The following EML6 variants were observed in gnomAD, a reference collection of about 807,000 sequenced individuals.
The protein encoded by EML6 is echinoderm microtubule-associated protein-like 6.
A neutral mutation model predicts 240.1 loss-of-function variants in EML6; 154 were observed. The ratio of observed to expected loss-of-function variants is 0.64; its 90% CI spans 0.56 to 0.73. EML6 has a LOEUF of 0.73. EML6 is among the 30% of genes least tolerant of loss of function. The pLI, the probability that EML6 is intolerant of heterozygous loss-of-function variation, is 0.00. For missense variants in EML6, 2,964 were observed against 2,474.6 expected, an observed-to-expected ratio of 1.20 and a Z score of -4.20; for synonymous variants, 1,148 against 899.0, an observed-to-expected ratio of 1.28 and a Z score of -4.95.
intron 19 of EML6, among the ~76,000 whole-genome samples, chr2:54,894,628 G>A (rs1175141083): frequency 6.6e-6 from 1 of 152,168 alleles, no homozygotes; most frequent in African/African-American, 2.4e-5. Flanking sequence ...GGGAGACTGG[G>A]CACAAGCAGA....
intron 2 of EML6, among the ~76,000 whole-genome samples, chr2:54,736,190 A>G (rs1683384012): frequency 6.6e-6 from 1 of 152,224 alleles, no homozygotes; most frequent in Non-Finnish European, 1.5e-5. Context: ...TCCACAAGTT[A>G]TGGAGACCAG....
chr2:54,907,960 G>T (rs1329656247), intron 24 of EML6, among the ~76,000 whole-genome samples: 1 of 75,136 alleles, frequency 1.3e-5, no homozygotes, highest in Admixed American at 1.3e-4. Context: ...TAGATAGATA[G>T]ATAGATAGAT....
In EML6 at chr2:54,848,436, G is replaced by A. The variant is rs142379693; in HGVS notation, c.1187+813G>A. Among the ~76,000 whole-genome samples the A allele has an allele frequency of 7.3e-4, 111 of 151,820 alleles. No individual in the cohort carries two copies. In the East Asian group the frequency reaches 0.019, roughly 26 times the overall value. ...ACATAACTCATTACTGAACTAGTGG[G>A]CAACATTTTCTTTCTCTGCTTAGTG... On this transcript the variant is annotated intron_variant, in intron 9 of 41. Transcript: ENST00000356458.
chr2:54,851,710 C>G (rs773926553), intron 10 of EML6, among the ~76,000 whole-genome samples: 1 of 152,076 alleles, frequency 6.6e-6, no homozygotes, highest in African/African-American at 2.4e-5. Context: ...CTTCTTTATT[C>G]CTGATCTTTG....
intron 26 of EML6, 45 bp downstream of exon 26, chr2:54,916,980 T>G: frequency 7.2e-7 from 1 of 1,388,278 alleles, no homozygotes; most frequent in Non-Finnish European, 9.9e-7. Flanking sequence ...GTCTCCTTAA[T>G]AACCTTAAAT....
intron 5 of EML6, among the ~76,000 whole-genome samples, chr2:54,823,579 G>C (rs185338561): frequency 2.0e-4 from 31 of 152,092 alleles, no homozygotes; most frequent in African/African-American, 7.0e-4. Context: ...GTGAGTTTCT[G>C]ATCAGACTAA....
At chr2:54,863,373 A>T (rs1335968593) in intron 12 of EML6, among the ~76,000 whole-genome samples, 1 of 152,206 alleles carries the variant, frequency 6.6e-6, no homozygotes, top group Non-Finnish European at 1.5e-5. Context: ...TTTAAAAATT[A>T]ACTGGGCATG....
chr2:54,921,696 T>C (rs991921407), intron 26 of EML6, among the ~76,000 whole-genome samples: 1 of 152,108 alleles, frequency 6.6e-6, no homozygotes, highest in Non-Finnish European at 1.5e-5. Context: ...TACAAAGCTA[T>C]AGTAATCAAA....
intron 25 of EML6, among the ~76,000 whole-genome samples, chr2:54,915,823 C>A (rs1215636101): frequency 2.0e-5 from 3 of 152,036 alleles, no homozygotes; most frequent in Non-Finnish European, 4.4e-5. Context: ...AGCTACAGTT[C>A]TCTAATTTCT....
intron 2 of EML6, among the ~76,000 whole-genome samples, chr2:54,809,240 A>T (rs1430953668): frequency 6.6e-6 from 1 of 152,224 alleles, no homozygotes; most frequent in African/African-American, 2.4e-5. Context: ...ATGGACTCTC[A>T]ATAGGCAGAT....
At chr2:54,775,242 G>A (rs534087347) in intron 2 of EML6, among the ~76,000 whole-genome samples, 256 of 152,262 alleles carry the variant, frequency 1.7e-3, no homozygotes, top group Middle Eastern at 0.014. Flanking sequence ...AGTGAAATGC[G>A]GAGTCCTTGC....
chr2:54,883,261 CA>C (rs1485698362), intron 17 of EML6, among the ~76,000 whole-genome samples: 1 of 152,186 alleles, frequency 6.6e-6, no homozygotes, highest in African/African-American at 2.4e-5. Flanking sequence ...GAGTATTGTA[CA>C]TATGCTCTAT....
At chr2:54,956,033 G>GTA (rs1676217527) in intron 32 of EML6, among the ~76,000 whole-genome samples, 1 of 151,964 alleles carries the variant, frequency 6.6e-6, no homozygotes, top group African/African-American at 2.4e-5. Context: ...GTGTGTGTGT[G>GTA]TGTAGGTAAA....
At position 54,795,877 on chromosome 2, in the gene EML6, CT is replaced by C. The variant is rs1387146206; in HGVS notation, c.198-17354del. The stretch of plus-strand genomic sequence containing the variant: ...TCTTAAGAATTTAAGAACAGTGGTA[CT>C]CATTCAGCTTAAAAAGCTGCTTCTG... On this transcript the variant is annotated intron_variant, in intron 2 of 41. Transcript: ENST00000356458. Among the ~76,000 whole-genome samples, 3 of 152,116 alleles carry C rather than the reference CT, an allele frequency of 2.0e-5. No homozygotes were observed. In the East Asian group the frequency reaches 5.8e-4, roughly 29 times the overall value.
chr2:54,886,833 C>G (rs1672171675), intron 17 of EML6, among the ~76,000 whole-genome samples: 1 of 152,110 alleles, frequency 6.6e-6, no homozygotes. Flanking sequence ...CAAATAATTT[C>G]ACCCATGTTC....
intron 4 of EML6, among the ~76,000 whole-genome samples, chr2:54,819,480 T>C (rs1668226990): frequency 6.6e-6 from 1 of 152,122 alleles, no homozygotes; most frequent in Admixed American, 6.5e-5. Context: ...TAGCTCTTGT[T>C]AAAGAATGAC....
chr2:54,736,137 A>G (rs987772930), intron 2 of EML6, among the ~76,000 whole-genome samples: 2 of 152,236 alleles, frequency 1.3e-5, no homozygotes, highest in Non-Finnish European at 2.9e-5. Context: ...TGAAGCTGGA[A>G]TAAGTGGGCT....
intron 3 of EML6, among the ~76,000 whole-genome samples, chr2:54,815,346 C>T (rs1435883650): frequency 6.6e-6 from 1 of 152,156 alleles, no homozygotes; most frequent in Non-Finnish European, 1.5e-5. Flanking sequence ...GTCCTCCTTA[C>T]TCCCTGGACA....
chr2:54,767,614 GTGTGTGTGTGTGTGTGTA>G (rs887779410), intron 2 of EML6, among the ~76,000 whole-genome samples: 13 of 128,266 alleles, frequency 1.0e-4, no homozygotes, highest in African/African-American at 3.1e-4. Flanking sequence ...GTGTGTGTGT[GTGTGTGTGTGTGTGTGTA>G]TGTGTGTGTG....
Sources: allele counts gnomAD v4.1 joint callset (sites outside exome capture counted in the v4.1 genomes callset), GRCh38; gene constraint gnomAD v4.1.1; transcripts MANE v1.5; gene names NCBI Gene and HGNC (gene_info 2026-07-23, HGNC 2026-07-21).